Variants in PTDSS2 observed in about 807,000 individuals in gnomAD.
PTDSS2 encodes the protein phosphatidylserine synthase 2.
Under a neutral mutation model 64.7 loss-of-function variants are expected in PTDSS2, and 41 were observed. The ratio of observed to expected loss-of-function variants is 0.63; its 90% CI spans 0.49 to 0.82. The LOEUF (loss-of-function observed/expected upper bound fraction) is 0.82, where lower values mean the gene tolerates loss of function less well. Ranked by LOEUF, PTDSS2 falls within the 40% of genes least tolerant of loss-of-function variation. PTDSS2 has a pLI of 0.00. For synonymous variants in PTDSS2, 297 were observed against 277.8 expected (o/e 1.07, Z -0.69); for missense variants, 485 against 650.0 (o/e 0.75, Z 2.76).
intron 1 of PTDSS2, chr11:459,342 T>G (rs926284302): frequency 4.0e-5 from 6 of 150,552 alleles, no homozygotes; most frequent in Admixed American, 6.6e-5. Context: ...GAGGACACAC[T>G]CCGGTGGATG....
chr11:472,057 T>A (rs1215962341), intron 2 of PTDSS2, among the ~76,000 whole-genome samples: 1 of 140,076 alleles, frequency 7.1e-6, no homozygotes, highest in East Asian at 2.1e-4. Context: ...GATGGTGGCC[T>A]GGGGTAACGC....
rs115115236 is a variant in PTDSS2 at position 489,382 on chromosome 11, C to T, written c.855-18C>T. 2.2e-3 allele frequency: 3,536 copies of T among 1,606,736 alleles called. 94 individuals carry two copies. In the African/African-American group the frequency reaches 0.042, roughly 19 times the overall value. On this transcript the variant is annotated intron_variant, in intron 8 of 11. Transcript: ENST00000308020. ...CGGTGGGCTGCCTTCCTCAGGCTGCCGGCTCTGTGGTTCCCAGGGGCAAGA... is the reference window on the plus strand; with the variant it reads ...CGGTGGGCTGCCTTCCTCAGGCTGCTGGCTCTGTGGTTCCCAGGGGCAAGA...
intron 4 of PTDSS2, among the ~76,000 whole-genome samples, chr11:484,036 T>G (rs1848187033): frequency 6.6e-6 from 1 of 152,204 alleles, no homozygotes; most frequent in African/African-American, 2.4e-5. Flanking sequence ...CGTCTGCACG[T>G]TGCCAGGAAT....
Position 460,064 on chromosome 11 carries a change from G to T in PTDSS2, c.183-123G>T. ...AGGGACTCGCAGCCAGTTGCTGGTT[G>T]GGAGTTGGAGAGTGGAGTTTAAGCC... On this transcript the variant is annotated intron_variant, in intron 1 of 11. Coordinates refer to ENST00000308020, the MANE Select transcript of PTDSS2 (RefSeq NM_030783.3). The surrounding 1 kb of genome is among the most constrained non-coding windows in gnomAD (Gnocchi z 5.8). 2 of 713,840 alleles carry T rather than the reference G, an allele frequency of 2.8e-6. No homozygotes were observed. The highest frequency in any genetic ancestry group is 4.9e-6 in the Non-Finnish European group (2 of 407,950). 44.2% of individuals were successfully genotyped at this position (713,840 alleles called of 1,614,324 possible). A position where few individuals can be genotyped will look rare whatever the true frequency, so the allele number is the denominator to read the frequency against.
chr11:485,581 C>T (rs1327141459), intron 4 of PTDSS2, among the ~76,000 whole-genome samples: 2 of 66,802 alleles, frequency 3.0e-5, no homozygotes, highest in African/African-American at 8.6e-5. Flanking sequence ...TGTGCGCAGG[C>T]GTGTAAACTG....
At chr11:472,002 G>C (rs1478169553) in intron 2 of PTDSS2, among the ~76,000 whole-genome samples, 1 of 146,006 alleles carries the variant, frequency 6.8e-6, no homozygotes, top group Non-Finnish European at 1.5e-5. Flanking sequence ...TGGCGGCCTG[G>C]GGTGACGCGG....
At chr11:475,519 G>A (rs1005972765) in intron 3 of PTDSS2, among the ~76,000 whole-genome samples, 6 of 133,434 alleles carry the variant, frequency 4.5e-5, no homozygotes, top group Admixed American at 7.8e-5. Context: ...CCATATTCAC[G>A]TGTTTGTGTG....
In PTDSS2 at chr11:460,122, T is replaced by C. The variant is rs1846807032; in HGVS notation, c.183-65T>C. The C allele has an allele frequency of 1.5e-6, 2 of 1,307,798 alleles. No homozygotes were observed. Among genetic ancestry groups the C allele is most frequent in the African/African-American group, 2.9e-5 (2 of 68,630 alleles). The allele number at this position is 1,307,798 out of a possible 1,614,324, so 81.0% of individuals were successfully genotyped here. ...TGACGTAGAGAGGATTTGGGGCCTG[T>C]TACGTGAGTATTTAGCAATGCTGCC... is the stretch of plus-strand genomic sequence containing the variant. On this transcript the variant is annotated intron_variant, in intron 1 of 11. Transcript: ENST00000308020. This position sits in a 1 kb window ranked among gnomAD's most constrained non-coding sequence, Gnocchi z 5.8.
chr11:452,706 C>T (rs1445927451), intron 1 of PTDSS2, among the ~76,000 whole-genome samples: 2 of 152,106 alleles, frequency 1.3e-5, no homozygotes, highest in African/African-American at 4.8e-5. Flanking sequence ...CTCCTCCCTT[C>T]CCTGTGCAGA....
Position 479,176 on chromosome 11 carries a change from T to G in PTDSS2, c.435+24T>G. On this transcript the variant is annotated intron_variant, in intron 4 of 11. Coordinates refer to ENST00000308020, the MANE Select transcript of PTDSS2 (RefSeq NM_030783.3). The surrounding 1 kb of genome is among the most constrained non-coding windows in gnomAD (Gnocchi z 4.2). The stretch of plus-strand genomic sequence containing the variant: ...AGGTAAGCTGTTTTTCTGGGTTGGA[T>G]ACCTGGGAACTTAGGTGACAGTGTG... 1 of 1,598,912 alleles carries G rather than the reference T, an allele frequency of 6.3e-7. No homozygotes were observed. The highest frequency in any genetic ancestry group is 8.6e-7 in the Non-Finnish European group (1 of 1,166,096).
rs147974198 is a variant in PTDSS2, at chr11:478,419, C to G, written c.368-666C>G. On this transcript the variant is annotated intron_variant, in intron 3 of 11. Transcript: ENST00000308020. ...GGTTGCAGTGCAACAAGATTGCACTCCAGCCTGGGCAACAGAGCCAGGACC... is the reference window on the plus strand; with the variant it reads ...GGTTGCAGTGCAACAAGATTGCACTGCAGCCTGGGCAACAGAGCCAGGACC... Among the ~76,000 whole-genome samples the G allele has an allele frequency of 1.6e-4, 25 of 152,114 alleles. No homozygotes were observed. The East Asian group carries it at 4.6e-3, about 28-fold the overall frequency.
Position 490,823 on chromosome 11 carries a change from C to CGTGT in PTDSS2, c.*241_*242insGTGT. 1 of 559,730 alleles carries CGTGT rather than the reference C, an allele frequency of 1.8e-6. No individual in the cohort carries two copies. Among genetic ancestry groups the CGTGT allele is most frequent in the Non-Finnish European group, 3.2e-6 (1 of 317,448 alleles). 34.7% of individuals were successfully genotyped at this position (559,730 alleles called of 1,614,324 possible). A position where few individuals can be genotyped will look rare whatever the true frequency, so the allele number is the denominator to read the frequency against. ...ACGCGTGTGTACGCGCGTGTGTACA[C>CGTGT]ATGCGTGGCCGCCTGTGGTGTGCAC... is the stretch of plus-strand genomic sequence containing the variant. On this transcript the variant is annotated 3_prime_UTR_variant, in exon 12 of 12. Transcript: ENST00000308020.
chr11:490,779 C>T lies in PTDSS2; in HGVS notation c.*197C>T, dbSNP rs747624049. Reference sequence around the variant, plus strand: ...TCATCTCCATGTGTACACGTGTGTACGTGTGTATGCGTGTGTGTACGCGTG... The same window carrying T: ...TCATCTCCATGTGTACACGTGTGTATGTGTGTATGCGTGTGTGTACGCGTG... On this transcript the variant is annotated 3_prime_UTR_variant, in exon 12 of 12. Transcript: ENST00000308020. 29 of 610,260 alleles carry T rather than the reference C, an allele frequency of 4.8e-5. No individual in the cohort carries two copies. Among genetic ancestry groups the T allele is most frequent in the Non-Finnish European group, 7.2e-5 (25 of 348,092 alleles). The allele number at this position is 610,260 out of a possible 1,614,324, so 37.8% of individuals were successfully genotyped here.
At chr11:487,243 G>C (rs1318846026) in intron 5 of PTDSS2, 170 bp downstream of exon 5, 3 of 932,974 alleles carry the variant, frequency 3.2e-6, no homozygotes, top group Non-Finnish European at 5.0e-6. Context: ...TGGGCAGGGG[G>C]CCCCTGCTCT....
intron 4 of PTDSS2, among the ~76,000 whole-genome samples, chr11:484,882 G>C (rs1367439495): frequency 1.4e-5 from 2 of 146,280 alleles, no homozygotes; most frequent in African/African-American, 2.6e-5. Context: ...GCAGGCGTCT[G>C]TAAACAGTGC....
chr11:460,475 G>A lies in PTDSS2; in HGVS notation c.284+187G>A, dbSNP rs374142537. On this transcript the variant is annotated intron_variant, in intron 2 of 11. Transcript: ENST00000308020. The surrounding 1 kb of genome is among the most constrained non-coding windows in gnomAD (Gnocchi z 5.8). ...AGGGCTGCCCTTGGTGCTGCGTGGCGTTCCCGGTCAGCCCCCGTCGCCTGT... is the reference window on the plus strand; with the variant it reads ...AGGGCTGCCCTTGGTGCTGCGTGGCATTCCCGGTCAGCCCCCGTCGCCTGT... The A allele has an allele frequency of 8.3e-5, 47 of 569,638 alleles. No homozygotes were observed. Among genetic ancestry groups the A allele is most frequent in the East Asian group, 2.6e-4 (9 of 34,452 alleles). 35.3% of individuals were successfully genotyped at this position (569,638 alleles called of 1,614,324 possible). A position where few individuals can be genotyped will look rare whatever the true frequency, so the allele number is the denominator to read the frequency against.
Position 488,266 on chromosome 11 carries a change from G to T in PTDSS2, c.689G>T (p.Ser230Ile), listed in dbSNP as rs771039920. Residue 230 changes from serine to isoleucine, a missense_variant, in exon 7 of 12, where the codon AGC (serine) becomes ATC (isoleucine). Transcript: ENST00000308020. ...GTGATGTTCGAGTTCCTGGAGTACA[G>T]CCTGGAGCACCAGCTGCCCAACTTC... ...ISVMFEFLEY[S>I]LEHQLPNFSE... is the part of the protein sequence containing the mutation. 3 of 1,613,406 alleles carry T rather than the reference G, an allele frequency of 1.9e-6. No individual in the cohort carries two copies.
intron 2 of PTDSS2, among the ~76,000 whole-genome samples, chr11:464,713 C>A (rs1397305978): frequency 6.6e-6 from 1 of 152,206 alleles, no homozygotes; most frequent in Non-Finnish European, 1.5e-5. Flanking sequence ...ATGGGGGTGA[C>A]CCTGGGGGAG....
At chr11:487,671 C>CGTCCTCA (rs1564995821) in intron 6 of PTDSS2, among the ~76,000 whole-genome samples, 3 of 152,162 alleles carry the variant, frequency 2.0e-5, no homozygotes, top group Admixed American at 2.0e-4. Context: ...GTCCCCGCTC[C>CGTCCTCA]GTCCTCAGGG....
Sources: gnomAD v4.1 joint callset for allele counts (sites outside exome capture counted in the v4.1 genomes callset) on GRCh38, gnomAD v4.1.1 for gene constraint, Gnocchi (gnomAD v3.1) non-coding constraint, MANE v1.5 for transcripts, NCBI Gene and HGNC (gene_info 2026-07-23, HGNC 2026-07-21) for gene names.